Variants in THSD7A observed in about 807,000 individuals in gnomAD.
THSD7A encodes thrombospondin type 1 domain containing 7A, also known as thrombospondin type-1 domain-containing protein 7A.
In THSD7A, 96 loss-of-function variants were observed where a neutral mutation model predicts 231.3. The ratio of observed to expected loss-of-function variants is 0.41; its 90% CI spans 0.35 to 0.49. The LOEUF (loss-of-function observed/expected upper bound fraction) is 0.49. Ranked by LOEUF, THSD7A falls within the 20% of genes least tolerant of loss-of-function variation. The pLI, the probability that THSD7A is intolerant of heterozygous loss-of-function variation, is 0.05. For synonymous variants in THSD7A, 940 were observed against 743.3 expected, an observed-to-expected ratio of 1.26 and a Z score of -4.30; for missense variants, 2,290 against 2,070.2, an observed-to-expected ratio of 1.11 and a Z score of -2.06.
At chr7:11,416,995 C>T (rs947156008) in intron 17 of THSD7A, among the ~76,000 whole-genome samples, 2 of 152,178 alleles carry the variant, frequency 1.3e-5, no homozygotes, top group African/African-American at 2.4e-5. Context: ...GTTAATACCC[C>T]TGCTGCTGTA....
Position 11,674,307 on chromosome 7 carries a change from G to T in THSD7A, c.191-37346C>A, listed in dbSNP as rs369320518. ...TCATGGTTAGGCAGCAGCTCTTCTA[G>T]TTGGGGTAAGTAAGCTGCAGTGGAA... is the stretch of plus-strand genomic sequence containing the variant. On this transcript the variant is annotated intron_variant, in intron 1 of 27. Coordinates refer to ENST00000423059, the MANE Select transcript of THSD7A (RefSeq NM_015204.3). 7.2e-4 allele frequency among the ~76,000 whole-genome samples: 110 copies of T among 152,216 alleles called. 2 individuals are homozygous for T. Among genetic ancestry groups the T allele is most frequent in the Admixed American group, 3.4e-3 (52 of 15,286 alleles).
chr7:11,377,701 C>T lies in THSD7A; in HGVS notation c.4802-1044G>A, dbSNP rs920264128. On this transcript the variant is annotated intron_variant, in intron 26 of 27. Coordinates refer to ENST00000423059, the MANE Select transcript of THSD7A (RefSeq NM_015204.3). This position sits in a 1 kb window ranked among gnomAD's most constrained non-coding sequence, Gnocchi z 4.5. ...GTTTAGAATCAAAAGAGCTGTTCCA[C>T]GATTGAGGATCTCTGTTGAGAGTTT... is the stretch of plus-strand genomic sequence containing the variant. Among the ~76,000 whole-genome samples, 11 of 152,114 alleles carry T rather than the reference C, an allele frequency of 7.2e-5. 2 individuals carry two copies. In the East Asian group the frequency reaches 1.9e-3, roughly 27 times the overall value.
intron 1 of THSD7A, among the ~76,000 whole-genome samples, chr7:11,668,573 T>C (rs896111798): frequency 6.6e-6 from 1 of 152,002 alleles, no homozygotes; most frequent in Non-Finnish European, 1.5e-5. Context: ...TATGTTTTTT[T>C]AAGCTCCACA....
intron 9 of THSD7A, among the ~76,000 whole-genome samples, chr7:11,465,528 C>A (rs1182752323): frequency 6.6e-6 from 1 of 151,826 alleles, no homozygotes; most frequent in African/African-American, 2.4e-5. Flanking sequence ...AAATAAATTT[C>A]ACCGAGAAAT....
chr7:11,599,101 T>C (rs1780465158), intron 2 of THSD7A, among the ~76,000 whole-genome samples: 4 of 152,022 alleles, frequency 2.6e-5, no homozygotes, highest in Admixed American at 2.6e-4. Context: ...TCACGCCCTG[T>C]GATTAAGGTC....
intron 1 of THSD7A, among the ~76,000 whole-genome samples, chr7:11,817,015 A>C (rs2128185858): frequency 6.6e-6 from 1 of 152,316 alleles, no homozygotes; most frequent in East Asian, 1.9e-4. Flanking sequence ...AATTTTAAAG[A>C]ATGTACAAAT....
chr7:11,590,789 G>T lies in THSD7A; in HGVS notation c.1272-148C>A. 1 of 909,610 alleles carries T rather than the reference G, an allele frequency of 1.1e-6. No individual in the cohort carries two copies. Among genetic ancestry groups the T allele is most frequent in the East Asian group, 2.8e-5 (1 of 35,170 alleles). 56.3% of individuals were successfully genotyped at this position (909,610 alleles called of 1,614,324 possible). A position where few individuals can be genotyped will look rare whatever the true frequency, so the allele number is the denominator to read the frequency against. On this transcript the variant is annotated intron_variant, in intron 3 of 27. Coordinates refer to ENST00000423059, the MANE Select transcript of THSD7A (RefSeq NM_015204.3). This position sits in a 1 kb window ranked among gnomAD's most constrained non-coding sequence, Gnocchi z 4.4. Reference sequence around the variant, plus strand: ...AGACTACATCTATGGTGCATATTTGGTTTCAACTCCTTTATGCTCTGCAGT... The same window carrying T: ...AGACTACATCTATGGTGCATATTTGTTTTCAACTCCTTTATGCTCTGCAGT...
intron 5 of THSD7A, among the ~76,000 whole-genome samples, chr7:11,542,327 T>C (rs1053222740): frequency 1.3e-5 from 2 of 152,212 alleles, no homozygotes; most frequent in Non-Finnish European, 2.9e-5. Context: ...CTAGAATCAC[T>C]AGAAGACTGG....
rs1786081430 is a variant in THSD7A at position 11,474,614 on chromosome 7, G to T, written c.2018-46C>A. The T allele has an allele frequency of 2.7e-6, 4 of 1,466,914 alleles. No homozygotes were observed. The East Asian group carries it at 7.0e-5, about 26-fold the overall frequency. 90.9% of individuals were successfully genotyped at this position (1,466,914 alleles called of 1,614,324 possible). ...AGCAAATTAGATACGGTGCCAACAG[G>T]AACCTTACCATACTCTGTTCTTTGG... On this transcript the variant is annotated intron_variant, in intron 7 of 27. Coordinates refer to ENST00000423059, the MANE Select transcript of THSD7A (RefSeq NM_015204.3). The surrounding 1 kb of genome is among the most constrained non-coding windows in gnomAD (Gnocchi z 4.1).
chr7:11,747,327 GC>G (rs1374706745), intron 1 of THSD7A, among the ~76,000 whole-genome samples: 3 of 151,888 alleles, frequency 2.0e-5, no homozygotes, highest in African/African-American at 7.2e-5. Context: ...CACTTGGCCT[GC>G]TTCTCTAAGC....
intron 1 of THSD7A, among the ~76,000 whole-genome samples, chr7:11,679,686 A>C (rs1357885220): frequency 6.6e-6 from 1 of 152,188 alleles, no homozygotes; most frequent in African/African-American, 2.4e-5. Context: ...CTGGTCAAGG[A>C]AATAAGAGAG....
intron 1 of THSD7A, among the ~76,000 whole-genome samples, chr7:11,823,419 T>C (rs1353716405): frequency 6.6e-6 from 1 of 152,150 alleles, no homozygotes; most frequent in East Asian, 1.9e-4. Context: ...TTGCTTAGGA[T>C]TGCTCTGGCT....
intron 1 of THSD7A, among the ~76,000 whole-genome samples, chr7:11,700,593 G>C (rs936489553): frequency 1.3e-5 from 2 of 151,184 alleles, no homozygotes; most frequent in Admixed American, 6.6e-5. Context: ...TGTAGTTGGA[G>C]TGTTTTCATG....
intron 11 of THSD7A, among the ~76,000 whole-genome samples, chr7:11,450,386 G>A (rs1021423822): frequency 6.6e-6 from 1 of 151,920 alleles, no homozygotes; most frequent in Non-Finnish European, 1.5e-5. Flanking sequence ...CCTCTTATCT[G>A]AGGTTTTAGA....
Position 11,446,136 on chromosome 7 carries a change from C to T in THSD7A, c.2989G>A (p.Gly997Arg). 6.2e-7 allele frequency: 1 copy of T among 1,613,490 alleles called. No homozygotes were observed. The highest frequency in any genetic ancestry group is 1.1e-5 in the South Asian group (1 of 91,080). The stretch of plus-strand genomic sequence containing the variant: ...CATGCCATTGCTTGGTAACGATATC[C>T]TTGTCCGCATTCCTTGATGTCTCCT... ...VQGDIKECGQ[G>R]YRYQAMACYD... Residue 997 changes from glycine (G) to arginine (R), a missense_variant, in exon 13 of 28, where the codon GGA becomes AGA. Physicochemically the swap from Gly to Arg is moderately radical, Grantham distance 125. Coordinates refer to ENST00000423059, the MANE Select transcript of THSD7A (RefSeq NM_015204.3). The surrounding 1 kb of genome is among the most constrained non-coding windows in gnomAD (Gnocchi z 4.0).
At chr7:11,680,960 A>T (rs1327872332) in intron 1 of THSD7A, among the ~76,000 whole-genome samples, 2 of 152,208 alleles carry the variant, frequency 1.3e-5, no homozygotes, top group Non-Finnish European at 2.9e-5. Context: ...CCAAATGCCC[A>T]TGAATGATAG....
Position 11,637,956 on chromosome 7 carries a change from T to G in THSD7A, c.191-995A>C, listed in dbSNP as rs1162870657. Among the ~76,000 whole-genome samples, 1 of 151,928 alleles carries G rather than the reference T, an allele frequency of 6.6e-6. No homozygotes were observed. Among genetic ancestry groups the G allele is most frequent in the African/African-American group, 2.4e-5 (1 of 41,368 alleles). The stretch of plus-strand genomic sequence containing the variant: ...ACTTAAAGTTCATGTAAGTACATGA[T>G]TTTCAAAAAGTATTCCATGAATTTG... On this transcript the variant is annotated intron_variant, in intron 1 of 27. Transcript: ENST00000423059. The surrounding 1 kb of genome is among the most constrained non-coding windows in gnomAD (Gnocchi z 4.2).
intron 1 of THSD7A, among the ~76,000 whole-genome samples, chr7:11,805,714 A>G (rs552850595): frequency 1.3e-4 from 20 of 152,142 alleles, no homozygotes; most frequent in Non-Finnish European, 2.5e-4. Flanking sequence ...AGACAAATTT[A>G]CAAATACATG....
At chr7:11,717,761 T>C (rs1352301631) in intron 1 of THSD7A, among the ~76,000 whole-genome samples, 1 of 151,628 alleles carries the variant, frequency 6.6e-6, no homozygotes, top group Non-Finnish European at 1.5e-5. Context: ...GGTTCCAAAC[T>C]AAGAAGTAGA....
Sources: allele counts gnomAD v4.1 joint callset (sites outside exome capture counted in the v4.1 genomes callset), GRCh38; gene constraint gnomAD v4.1.1; non-coding constraint Gnocchi (gnomAD v3.1); transcripts MANE v1.5; gene names NCBI Gene and HGNC (gene_info 2026-07-23, HGNC 2026-07-21).